ANKRD31: variants seen among roughly 807,000 people sequenced by gnomAD.
ANKRD31 encodes ankyrin repeat domain 31, also known as ankyrin repeat domain-containing protein 31.
Under a neutral mutation model 186.0 loss-of-function variants are expected in ANKRD31, and 147 were observed. The observed-to-expected ratio is 0.79, with a 90% CI of 0.69 to 0.91. The LOEUF is 0.91. Ranked by LOEUF, ANKRD31 falls within the 40% of genes least tolerant of loss-of-function variation. The pLI, the probability that ANKRD31 is intolerant of heterozygous loss-of-function variation, is 0.00. For missense variants in ANKRD31, 1,986 were observed against 2,148.8 expected (o/e 0.92, Z 1.50); for synonymous variants, 673 against 736.4 (o/e 0.91, Z 1.39).
In ANKRD31 at chr5:75,168,973, C is replaced by T; in HGVS notation, c.1707+6G>A. 4 of 1,531,616 alleles carry T rather than the reference C, an allele frequency of 2.6e-6. No individual in the cohort carries two copies. Among genetic ancestry groups the T allele is most frequent in the Non-Finnish European group, 3.5e-6 (4 of 1,143,088 alleles). 94.9% of individuals were successfully genotyped at this position (1,531,616 alleles called of 1,614,324 possible). ...ATTTGTTCTGCAAATAAAAGCATCA[C>T]AGTACCTTATAATGTCCATTCATCA... On this transcript the variant is annotated splice_donor_region_variant and intron_variant, in intron 11 of 25. Transcript: ENST00000506364.
In ANKRD31 at chr5:75,091,257, C is replaced by T; in HGVS notation, c.5472+4G>A. On this transcript the variant is annotated splice_donor_region_variant and intron_variant, in intron 23 of 25. Coordinates refer to ENST00000506364, the MANE Select transcript of ANKRD31 (RefSeq NM_001372053.1). ...AGTTAAAGATAAACTTAAGAATGACCCACCTTACTCCAAGCATAATTCCAG... is the reference window on the plus strand; with the variant it reads ...AGTTAAAGATAAACTTAAGAATGACTCACCTTACTCCAAGCATAATTCCAG... The T allele has an allele frequency of 1.3e-6, 2 of 1,525,600 alleles. No individual in the cohort carries two copies. Among genetic ancestry groups the T allele is most frequent in the African/African-American group, 1.4e-5 (1 of 72,350 alleles). The allele number at this position is 1,525,600 out of a possible 1,614,324, so 94.5% of individuals were successfully genotyped here. A position where few individuals can be genotyped will look rare whatever the true frequency, so the allele number is the denominator to read the frequency against.
chr5:75,208,592 G>A (rs149229629), intron 4 of ANKRD31, among the ~76,000 whole-genome samples: 348 of 152,274 alleles, frequency 2.3e-3, no homozygotes, highest in South Asian at 0.01. Flanking sequence ...TCAGAGAAAA[G>A]ACTAAAAGTC....
chr5:75,071,263 A>G (rs1032699044), intron 25 of ANKRD31, among the ~76,000 whole-genome samples: 1 of 149,044 alleles, frequency 6.7e-6, no homozygotes, highest in African/African-American at 2.4e-5. Context: ...ACTTTTCAAA[A>G]TATTAAATAT....
At chr5:75,080,102 A>C (rs189906434) in intron 25 of ANKRD31, among the ~76,000 whole-genome samples, 30 of 152,310 alleles carry the variant, frequency 2.0e-4, no homozygotes, top group African/African-American at 6.3e-4. Flanking sequence ...TGTCTAAAAA[A>C]AAAAAAGAAA....
At chr5:75,224,531 G>A (rs1054523616) in intron 2 of ANKRD31, among the ~76,000 whole-genome samples, 1 of 151,790 alleles carries the variant, frequency 6.6e-6, no homozygotes. Context: ...ATATGACAAT[G>A]GTATTTTAAA....
chr5:75,236,345 A>G (rs1267579581), intron 1 of ANKRD31, among the ~76,000 whole-genome samples: 1 of 152,248 alleles, frequency 6.6e-6, no homozygotes, highest in Non-Finnish European at 1.5e-5. Context: ...GAAAAATGCT[A>G]TAAAGCCACC....
chr5:75,100,378 G>A (rs1746742396), intron 22 of ANKRD31, among the ~76,000 whole-genome samples: 1 of 152,202 alleles, frequency 6.6e-6, no homozygotes, highest in Admixed American at 6.5e-5. Context: ...GCAACGTGGT[G>A]CTGAGAAGAA....
At chr5:75,140,104 T>C (rs758514405) in intron 15 of ANKRD31, among the ~76,000 whole-genome samples, 14 of 151,886 alleles carry the variant, frequency 9.2e-5, no homozygotes, top group Non-Finnish European at 1.9e-4. Context: ...CTCTGGAGAC[T>C]GAGGGAGGAG....
rs771478133 is a variant in ANKRD31 at position 75,230,599 on chromosome 5, C to T, written c.141G>A (p.Glu47=). The part of the protein sequence containing the change: ...LFDQDASLKS[E]FSLHPDTRGM... Reference sequence around the variant, plus strand: ...CTCTTGTATCAGGATGCAGACTGAACTCAGATTTAAGAGATGCGTCTTGAT... The same window carrying T: ...CTCTTGTATCAGGATGCAGACTGAATTCAGATTTAAGAGATGCGTCTTGAT... The change falls in exon 2 of 26, where the codon GAG becomes GAA. Residue 47 remains glutamate, a synonymous_variant. Coordinates refer to ENST00000506364, the MANE Select transcript of ANKRD31 (RefSeq NM_001372053.1). 1.0e-5 allele frequency: 16 copies of T among 1,536,910 alleles called. No homozygotes were observed. The highest frequency in any genetic ancestry group is 2.7e-5 in the African/African-American group (2 of 73,034).
intron 17 of ANKRD31, among the ~76,000 whole-genome samples, chr5:75,134,961 T>G (rs1241780678): frequency 1.3e-5 from 2 of 152,052 alleles, no homozygotes; most frequent in Non-Finnish European, 1.5e-5. Flanking sequence ...GCAACAAAAG[T>G]CAACAGCCTT....
At position 75,222,271 on chromosome 5, in the gene ANKRD31, A is replaced by G. The variant is rs1353453136; in HGVS notation, c.266T>C (p.Leu89Pro). Residue 89 changes from leucine to proline, a missense_variant, in exon 3 of 26, where the codon CTT (leucine) becomes CCT (proline). Coordinates refer to ENST00000506364, the MANE Select transcript of ANKRD31 (RefSeq NM_001372053.1). ...QMNKNKMMPVLSEDTILQSQD... is the reference protein window; with the variant it reads ...QMNKNKMMPVPSEDTILQSQD... Reference sequence around the variant, plus strand: ...CACCTGTAATATTGTATCCTCGCTAAGAACAGGCATCATCTTATTTTTATT... The same window carrying G: ...CACCTGTAATATTGTATCCTCGCTAGGAACAGGCATCATCTTATTTTTATT... 5 of 1,536,054 alleles carry G rather than the reference A, an allele frequency of 3.3e-6. No individual in the cohort carries two copies. Among genetic ancestry groups the G allele is most frequent in the Admixed American group, 3.9e-5 (2 of 50,942 alleles).
At chr5:75,158,596 GCAAGATTC>G (rs1363563151) in intron 11 of ANKRD31, among the ~76,000 whole-genome samples, 1 of 152,080 alleles carries the variant, frequency 6.6e-6, no homozygotes, top group African/African-American at 2.4e-5. Context: ...GGTGACACAA[GCAAGATTC>G]CATCTCTACA....
At chr5:75,172,237 A>T (rs967543762) in intron 10 of ANKRD31, among the ~76,000 whole-genome samples, 3 of 152,036 alleles carry the variant, frequency 2.0e-5, no homozygotes, top group Admixed American at 6.6e-5. Flanking sequence ...TAAGAATGTA[A>T]GGTTGGTTTA....
At chr5:75,185,064 A>G (rs911940083) in intron 10 of ANKRD31, among the ~76,000 whole-genome samples, 3 of 152,192 alleles carry the variant, frequency 2.0e-5, no homozygotes, top group African/African-American at 4.8e-5. Context: ...TTGCAACAAC[A>G]TGGAAGAACC....
rs1747163391 is a variant in ANKRD31, at chr5:75,104,447, T to C, written c.5112A>G (p.Thr1704=). The C allele has an allele frequency of 6.5e-7, 1 of 1,537,270 alleles. No individual in the cohort carries two copies. Among genetic ancestry groups the C allele is most frequent in the East Asian group, 2.4e-5 (1 of 40,914 alleles). The change falls in exon 22 of 26, where the codon ACA becomes ACG. Residue 1704 remains threonine, a synonymous_variant. Transcript: ENST00000506364. ...HQGIAVLGSD[T]VHQMKPYLKK... ...TAAGATATGGTTTCATCTGATGCACTGTATCACTGCCTAAGACAGCAATCC... is the reference window on the plus strand; with the variant it reads ...TAAGATATGGTTTCATCTGATGCACCGTATCACTGCCTAAGACAGCAATCC...
chr5:75,225,462 GA>G, intron 2 of ANKRD31: 1 of 172,508 alleles, frequency 5.8e-6, no homozygotes, highest in Non-Finnish European at 1.3e-5. Flanking sequence ...ATATTAATTT[GA>G]AAATAGTAGG....
intron 14 of ANKRD31, among the ~76,000 whole-genome samples, chr5:75,145,564 C>T (rs561188010): frequency 1.3e-5 from 2 of 152,052 alleles, no homozygotes; most frequent in South Asian, 4.2e-4. Context: ...GGGAACATCA[C>T]ACACCAGGGC....
intron 15 of ANKRD31, among the ~76,000 whole-genome samples, chr5:75,142,772 T>A (rs1473965254): frequency 6.6e-6 from 1 of 152,148 alleles, no homozygotes; most frequent in African/African-American, 2.4e-5. Context: ...AAGCCTGCCA[T>A]TGTTTTAGGG....
chr5:75,143,582 T>G (rs1751208439), intron 15 of ANKRD31, among the ~76,000 whole-genome samples: 1 of 152,150 alleles, frequency 6.6e-6, no homozygotes, highest in Non-Finnish European at 1.5e-5. Flanking sequence ...CAAAGGATGC[T>G]TAGCTTGTCC....
Sources: allele counts gnomAD v4.1 joint callset (sites outside exome capture counted in the v4.1 genomes callset), GRCh38; gene constraint gnomAD v4.1.1; transcripts MANE v1.5; gene names NCBI Gene and HGNC (gene_info 2026-07-23, HGNC 2026-07-21).